Variants in STPG4 observed in about 807,000 individuals in gnomAD.
STPG4 encodes the protein sperm-tail PG-rich repeat containing 4.
A neutral mutation model predicts 31.5 loss-of-function variants in STPG4; 41 were observed. That is an observed-to-expected ratio of 1.30 (90% CI 1.01 to 1.69). The LOEUF is 1.69. Ranked by LOEUF, STPG4 falls within the 40% of genes most tolerant of loss-of-function variation. The pLI, the probability that STPG4 is intolerant of heterozygous loss-of-function variation, is 0.00. For missense variants in STPG4, 375 were observed against 293.4 expected (o/e 1.28, Z -2.03); for synonymous variants, 141 against 103.0 (o/e 1.37, Z -2.24).
At chr2:47,118,472 G>C (rs555795377) in intron 5 of STPG4, among the ~76,000 whole-genome samples, 98 of 152,278 alleles carry the variant, frequency 6.4e-4, no homozygotes, top group African/African-American at 2.3e-3. Flanking sequence ...ACAATGTAAT[G>C]ATAATAGAAA....
chr2:47,113,654 C>A (rs1399641843), intron 5 of STPG4, among the ~76,000 whole-genome samples: 1 of 152,150 alleles, frequency 6.6e-6, no homozygotes, highest in African/African-American at 2.4e-5. Context: ...TGAGTATGCT[C>A]TTGATTGCTG....
intron 5 of STPG4, among the ~76,000 whole-genome samples, chr2:47,122,299 G>C (rs1245260063): frequency 2.0e-5 from 3 of 151,778 alleles, no homozygotes; most frequent in Admixed American, 2.0e-4. Flanking sequence ...TGTTAACTTT[G>C]TTTGCAGTTT....
intron 5 of STPG4, among the ~76,000 whole-genome samples, chr2:47,118,778 A>T (rs1300359919): frequency 2.0e-5 from 3 of 152,238 alleles, no homozygotes; most frequent in Non-Finnish European, 4.4e-5. Context: ...GGATTACATG[A>T]GACAGTCTAT....
chr2:47,094,730 T>G (rs1476976558), intron 5 of STPG4, among the ~76,000 whole-genome samples: 1 of 152,152 alleles, frequency 6.6e-6, no homozygotes, highest in Non-Finnish European at 1.5e-5. Context: ...GTGATCCCAG[T>G]GGGTTACGGG....
chr2:47,110,354 G>T (rs1686010590), intron 5 of STPG4, among the ~76,000 whole-genome samples: 1 of 152,192 alleles, frequency 6.6e-6, no homozygotes, highest in African/African-American at 2.4e-5. Flanking sequence ...AGCACTTTGG[G>T]AGGCCAAGGT....
At chr2:47,107,303 G>C (rs1333042482) in intron 5 of STPG4, among the ~76,000 whole-genome samples, 1 of 152,126 alleles carries the variant, frequency 6.6e-6, no homozygotes, top group Non-Finnish European at 1.5e-5. Context: ...TGGGAACCGG[G>C]GCTGCGCGTG....
At chr2:47,115,889 G>A (rs1686144181) in intron 5 of STPG4, among the ~76,000 whole-genome samples, 1 of 152,044 alleles carries the variant, frequency 6.6e-6, no homozygotes, top group Non-Finnish European at 1.5e-5. Flanking sequence ...CCTGAGCTCA[G>A]GCAATCCACC....
intron 5 of STPG4, among the ~76,000 whole-genome samples, chr2:47,102,509 G>A (rs925429402): frequency 6.6e-6 from 1 of 151,846 alleles, no homozygotes; most frequent in African/African-American, 2.4e-5. Flanking sequence ...TTCTGTAAGA[G>A]GCAAGGCAAA....
chr2:47,152,201 TGTAGG>T (rs386645766), intron 2 of STPG4, among the ~76,000 whole-genome samples: 2 of 6,256 alleles, frequency 3.2e-4, no homozygotes, highest in Non-Finnish European at 8.4e-4. Context: ...GCTTAGCCAA[TGTAGG>T]ATGTTTCTCT....
intron 5 of STPG4, among the ~76,000 whole-genome samples, chr2:47,126,271 T>C (rs4600714): frequency 0.7 from 105,991 of 151,764 alleles, 38,463 homozygotes; most frequent in East Asian, 0.92. Context: ...CTTCTTTCTC[T>C]TCTTTCTCCT....
chr2:47,122,851 A>G (rs2103770558), intron 5 of STPG4, among the ~76,000 whole-genome samples: 1 of 152,166 alleles, frequency 6.6e-6, no homozygotes, highest in South Asian at 2.1e-4. Context: ...TTTGAGTCTG[A>G]GTCTCACTCT....
chr2:47,089,887 C>G (rs1483892214), intron 6 of STPG4, among the ~76,000 whole-genome samples: 3 of 152,168 alleles, frequency 2.0e-5, no homozygotes, highest in Non-Finnish European at 4.4e-5. Context: ...AATTTTGCTT[C>G]CTTGGGCTCC....
At chr2:47,096,001 A>G (rs990179520) in intron 5 of STPG4, among the ~76,000 whole-genome samples, 17 of 152,340 alleles carry the variant, frequency 1.1e-4, no homozygotes, top group African/African-American at 3.8e-4. Context: ...CTGATGCAGT[A>G]GAGTTACCAC....
chr2:47,122,010 G>C (rs778316396), intron 5 of STPG4, among the ~76,000 whole-genome samples: 1 of 152,098 alleles, frequency 6.6e-6, no homozygotes, highest in African/African-American at 2.4e-5. Flanking sequence ...TTAGGGCATA[G>C]ACATATCTTT....
intron 5 of STPG4, 113 bp from the exon 6 acceptor site, chr2:47,090,487 C>A: frequency 1.4e-6 from 1 of 725,200 alleles, no homozygotes; most frequent in Non-Finnish European, 2.3e-6. Flanking sequence ...GTAGAAAAAT[C>A]CCATATTTGG....
At chr2:47,109,203 G>A (rs954795699) in intron 5 of STPG4, among the ~76,000 whole-genome samples, 1 of 152,192 alleles carries the variant, frequency 6.6e-6, no homozygotes, top group Non-Finnish European at 1.5e-5. Context: ...AACGCTGTTG[G>A]AAAAGCAGCA....
intron 5 of STPG4, among the ~76,000 whole-genome samples, chr2:47,113,751 T>G (rs12478385): frequency 0.43 from 65,985 of 151,996 alleles, 16,378 homozygotes; most frequent in East Asian, 0.7. Flanking sequence ...TGCCCAAATT[T>G]AGGCCGGGCG....
intron 3 of STPG4, among the ~76,000 whole-genome samples, chr2:47,140,974 C>T (rs1170911094): frequency 6.7e-6 from 1 of 150,266 alleles, no homozygotes; most frequent in Non-Finnish European, 1.5e-5. Flanking sequence ...GCACCCTCCA[C>T]CTTCCAGATT....
At chr2:47,122,736 T>A (rs940290908) in intron 5 of STPG4, among the ~76,000 whole-genome samples, 8 of 152,164 alleles carry the variant, frequency 5.3e-5, no homozygotes, top group African/African-American at 1.9e-4. Context: ...ATCCTGAGTT[T>A]GTAACTACAA....
Sources: allele counts gnomAD v4.1 joint callset (sites outside exome capture counted in the v4.1 genomes callset), GRCh38; gene constraint gnomAD v4.1.1; transcripts MANE v1.5; gene names NCBI Gene and HGNC (gene_info 2026-07-23, HGNC 2026-07-21).